Variants in KYNU observed in about 807,000 individuals in gnomAD.
The protein encoded by KYNU is kynureninase.
In KYNU, 54 loss-of-function variants were observed where a neutral mutation model predicts 59.2. The ratio of observed to expected loss-of-function variants is 0.91; its 90% CI spans 0.73 to 1.14. KYNU has a LOEUF of 1.14. Among genes scored for constraint, KYNU ranks in the 50% most tolerant of loss-of-function variants. The pLI, the probability that KYNU is intolerant of heterozygous loss-of-function variation, is 0.00. For synonymous variants in KYNU, 177 were observed against 192.0 expected, an observed-to-expected ratio of 0.92 and a Z score of 0.65; for missense variants, 567 against 554.4, an observed-to-expected ratio of 1.02 and a Z score of -0.23.
rs1397804315 is a variant in KYNU at position 143,055,636 on chromosome 2, A to G, written c.*13464A>G. The G allele has an allele frequency of 1.3e-4, 9 of 67,944 alleles. No individual in the cohort carries two copies. Among genetic ancestry groups the G allele is most frequent in the Admixed American group, 1.2e-3 (9 of 7,642 alleles). 4.2% of individuals were successfully genotyped at this position (67,944 alleles called of 1,614,324 possible). A position where few individuals can be genotyped will look rare whatever the true frequency, so the allele number is the denominator to read the frequency against. Reference sequence around the variant, plus strand: ...GGGTCATTAGTCATCTTACCACAGGAAGGAAGGAAGGAAGGAAGGAAGGAA... The same window carrying G: ...GGGTCATTAGTCATCTTACCACAGGGAGGAAGGAAGGAAGGAAGGAAGGAA... On this transcript the variant is annotated 3_prime_UTR_variant, in exon 14 of 14. Transcript: ENST00000264170.
chr2:142,988,954 T>C (rs1221025074), intron 10 of KYNU: 2 of 1,399,540 alleles, frequency 1.4e-6, no homozygotes, highest in Admixed American at 3.4e-5. Flanking sequence ...AGAAATGTTT[T>C]GCTGAAACTT....
chr2:142,930,379 CAGG>C (rs1683171030), intron 4 of KYNU, among the ~76,000 whole-genome samples: 1 of 152,210 alleles, frequency 6.6e-6, no homozygotes, highest in African/African-American at 2.4e-5. Flanking sequence ...CACCCCATTT[CAGG>C]AGATGACTAG....
chr2:142,958,362 TTTACA>T (rs1684236037), intron 7 of KYNU, among the ~76,000 whole-genome samples: 1 of 152,198 alleles, frequency 6.6e-6, no homozygotes. Flanking sequence ...AAATGTGTAC[TTTACA>T]TTAATAGAGA....
chr2:142,917,168 A>C (rs1451797095), intron 2 of KYNU, among the ~76,000 whole-genome samples: 1 of 152,170 alleles, frequency 6.6e-6, no homozygotes, highest in Non-Finnish European at 1.5e-5. Flanking sequence ...TTGGGAAAAA[A>C]AGGTAAATAC....
chr2:142,904,336 T>C (rs889448838), intron 2 of KYNU, among the ~76,000 whole-genome samples: 8 of 152,180 alleles, frequency 5.3e-5, no homozygotes, highest in Non-Finnish European at 1.5e-5. Flanking sequence ...TTCCATGTTC[T>C]GATTCTGTGT....
In KYNU at chr2:142,985,104, T is replaced by C; in HGVS notation, c.750T>C (p.Asp250=). Reference sequence around the variant, plus strand: ...CCTAGGGTTGTTATGTTGGCTTTGATCTAGCACATGCAGTTGGAAATGTTG... The same window carrying C: ...CCTAGGGTTGTTATGTTGGCTTTGACCTAGCACATGCAGTTGGAAATGTTG... ...GQAKGCYVGF[D]LAHAVGNVEL... The change falls in exon 9 of 14, where the codon GAT becomes GAC. Residue 250 remains aspartate (D), a synonymous_variant. Transcript: ENST00000264170. 1 of 1,609,682 alleles carries C rather than the reference T, an allele frequency of 6.2e-7. No homozygotes were observed. Among genetic ancestry groups the C allele is most frequent in the Non-Finnish European group, 8.5e-7 (1 of 1,176,396 alleles).
chr2:143,018,630 G>T lies in KYNU; in HGVS notation c.903-10997G>T, dbSNP rs568584002. Among the ~76,000 whole-genome samples, 254 of 150,984 alleles carry T rather than the reference G, an allele frequency of 1.7e-3. 1 individual carries two copies. Among genetic ancestry groups the T allele is most frequent in the African/African-American group, 6.0e-3 (245 of 40,510 alleles). Reference sequence around the variant, plus strand: ...GCTTTGTCTATTTGGGCTCTTTTTTGGTTCTCTCTATATTTTAGAATAGTT... The same window carrying T: ...GCTTTGTCTATTTGGGCTCTTTTTTTGTTCTCTCTATATTTTAGAATAGTT... On this transcript the variant is annotated intron_variant, in intron 10 of 13. Coordinates refer to ENST00000264170, the MANE Select transcript of KYNU (RefSeq NM_003937.3).
At chr2:142,982,741 C>T (rs559215684) in intron 8 of KYNU, among the ~76,000 whole-genome samples, 1 of 152,108 alleles carries the variant, frequency 6.6e-6, no homozygotes, top group African/African-American at 2.4e-5. Context: ...AATTAAGCAC[C>T]ATATAAAACA....
chr2:142,964,819 C>G (rs1381970901), intron 8 of KYNU: 1 of 152,092 alleles, frequency 6.6e-6, no homozygotes, highest in Non-Finnish European at 1.5e-5. Context: ...GAGATTGTAG[C>G]AAGTGGGGGA....
chr2:142,996,407 C>T (rs370870650), intron 10 of KYNU, among the ~76,000 whole-genome samples: 66 of 152,132 alleles, frequency 4.3e-4, no homozygotes, highest in African/African-American at 1.2e-3. Context: ...TTTGTAGGGA[C>T]GGGGTCTCAT....
chr2:142,916,093 G>A (rs1682660134), intron 2 of KYNU, among the ~76,000 whole-genome samples: 1 of 152,024 alleles, frequency 6.6e-6, no homozygotes, highest in East Asian at 1.9e-4. Context: ...CTTGATTTTG[G>A]ACTCAGAGCC....
chr2:142,926,593 C>A (rs992166588), intron 3 of KYNU, among the ~76,000 whole-genome samples: 1 of 152,132 alleles, frequency 6.6e-6, no homozygotes, highest in East Asian at 1.9e-4. Context: ...AGGAAGAGTT[C>A]CAGTTGCGGA....
intron 4 of KYNU, among the ~76,000 whole-genome samples, chr2:142,944,379 G>A (rs190818123): frequency 9.2e-5 from 14 of 152,258 alleles, no homozygotes; most frequent in African/African-American, 3.4e-4. Flanking sequence ...GCAAAAATAT[G>A]ATGTTCAATA....
At position 143,050,941 on chromosome 2, in the gene KYNU, A is replaced by G. The variant is rs150421086; in HGVS notation, c.*8769A>G. 1.6e-4 allele frequency: 24 copies of G among 152,314 alleles called. 1 individual carries two copies. The highest frequency in any genetic ancestry group is 4.8e-4 in the African/African-American group (20 of 41,576). 9.4% of individuals were successfully genotyped at this position (152,314 alleles called of 1,614,324 possible). ...AGCACAACCTGGGAATCAAAGTATT[A>G]GGGTACCTTGTTACTGAGATTATGG... is the stretch of plus-strand genomic sequence containing the variant. On this transcript the variant is annotated 3_prime_UTR_variant, in exon 14 of 14. Transcript: ENST00000264170.
At chr2:142,915,307 CA>C (rs1259756968) in intron 2 of KYNU, among the ~76,000 whole-genome samples, 1 of 151,988 alleles carries the variant, frequency 6.6e-6, no homozygotes, top group African/African-American at 2.4e-5. Context: ...AAGAGCTAAC[CA>C]AAAAGCACCA....
intron 4 of KYNU, among the ~76,000 whole-genome samples, chr2:142,937,288 T>C (rs1328692912): frequency 6.6e-6 from 1 of 152,056 alleles, no homozygotes; most frequent in Admixed American, 6.6e-5. Flanking sequence ...GGAAGAATCT[T>C]ACAATAGTGA....
chr2:142,942,817 C>G (rs1252965338), intron 4 of KYNU, among the ~76,000 whole-genome samples: 1 of 152,166 alleles, frequency 6.6e-6, no homozygotes, highest in Non-Finnish European at 1.5e-5. Flanking sequence ...TGTCCCTTCT[C>G]CCCTGATTCT....
intron 1 of KYNU, chr2:142,879,619 A>C (rs1300661533): frequency 6.6e-6 from 1 of 152,262 alleles, no homozygotes; most frequent in South Asian, 2.1e-4. Context: ...CATTCCATTC[A>C]TGGGCTTTGC....
intron 2 of KYNU, among the ~76,000 whole-genome samples, chr2:142,885,837 T>C (rs148410790): frequency 1.1e-4 from 16 of 152,376 alleles, no homozygotes; most frequent in Admixed American, 8.5e-4. Flanking sequence ...ACTTGTTCTC[T>C]AAGCACTTGG....
Sources: allele counts gnomAD v4.1 joint callset (sites outside exome capture counted in the v4.1 genomes callset), GRCh38; gene constraint gnomAD v4.1.1; transcripts MANE v1.5; gene names NCBI Gene and HGNC (gene_info 2026-07-23, HGNC 2026-07-21).